Variants in CLEC2A observed in about 807,000 individuals in gnomAD.
CLEC2A encodes C-type lectin domain family 2 member A, also known as keratinocyte-associated C-type lectin.
A neutral mutation model predicts 18.6 loss-of-function variants in CLEC2A; 19 were observed. The ratio of observed to expected loss-of-function variants is 1.02; its 90% CI spans 0.71 to 1.50. The LOEUF (loss-of-function observed/expected upper bound fraction) is 1.50, where lower values mean the gene tolerates loss of function less well. Among genes scored for constraint, CLEC2A ranks in the 40% most tolerant of loss-of-function variants. The pLI is 0.00. For missense variants in CLEC2A, 190 were observed against 207.9 expected, an observed-to-expected ratio of 0.91 and a Z score of 0.53; for synonymous variants, 74 against 64.0, an observed-to-expected ratio of 1.16 and a Z score of -0.75.
At chr12:9,879,211 A>G in the CLEC2A span, among the ~76,000 whole-genome samples, 2 of 152,214 alleles carry the variant, frequency 1.3e-5, no homozygotes, top group African/African-American at 4.8e-5. Flanking sequence ...GAGCTGCTTG[A>G]TATGCTAAGG....
At chr12:9,898,380 C>T (rs1346750354), downstream of CLEC2A, among the ~76,000 whole-genome samples, 2 of 152,228 alleles carry the variant, frequency 1.3e-5, no homozygotes, top group African/African-American at 4.8e-5. Context: ...CCAGACCCCT[C>T]ATCCATTGCT....
chr12:9,917,691 C>T (rs2137039278), intron 3 of CLEC2A, among the ~76,000 whole-genome samples: 1 of 152,270 alleles, frequency 6.6e-6, no homozygotes, highest in East Asian at 1.9e-4. Context: ...ACACTGCTTT[C>T]CACAATGGTG....
At chr12:9,883,486 G>T in the CLEC2A span, among the ~76,000 whole-genome samples, 3 of 151,984 alleles carry the variant, frequency 2.0e-5, no homozygotes, top group East Asian at 5.8e-4. Context: ...ATTAATTTTT[G>T]GTCTATTGTT....
chr12:9,926,314 C>T lies in CLEC2A; in HGVS notation c.85G>A (p.Gly29Ser), dbSNP rs1311310617. ...ATAATACTCAGGAAGCACATAAGGC[C>T]AATCTTCCAGTTTTGTATCAACTTG... Reference protein sequence around the residue: ...VPKLIQNWKIGLMCFLSIIIT... With the variant: ...VPKLIQNWKISLMCFLSIIIT... The change falls in exon 2 of 5, where the codon GGC becomes AGC. Residue 29 changes from glycine (G) to serine (S), a missense_variant. Coordinates refer to ENST00000455827, the MANE Select transcript of CLEC2A (RefSeq NM_001130711.2). The T allele has an allele frequency of 1.3e-6, 2 of 1,549,694 alleles. No individual in the cohort carries two copies. Among genetic ancestry groups the T allele is most frequent in the South Asian group, 1.2e-5 (1 of 84,006 alleles).
chr12:9,916,501 T>C (rs1478469166), intron 4 of CLEC2A, among the ~76,000 whole-genome samples, 199 bp downstream of exon 4: 1 of 152,174 alleles, frequency 6.6e-6, no homozygotes, highest in East Asian at 1.9e-4. Flanking sequence ...CCATGTGTCA[T>C]TTAACAAGGT....
chr12:9,923,176 C>A (rs1863202559), intron 2 of CLEC2A, among the ~76,000 whole-genome samples: 1 of 152,134 alleles, frequency 6.6e-6, no homozygotes, highest in African/African-American at 2.4e-5. Context: ...ATTTTGCAAT[C>A]TATCCATTTG....
the CLEC2A span, chr12:9,893,178 C>G: frequency 1.3e-6 from 2 of 1,525,546 alleles, no homozygotes; most frequent in Non-Finnish European, 8.8e-7. Context: ...GGTGAGAAAT[C>G]AAAAACAGGA....
intron 3 of CLEC2A, among the ~76,000 whole-genome samples, chr12:9,921,137 T>C (rs1863165883): frequency 6.6e-6 from 1 of 152,192 alleles, no homozygotes; most frequent in Non-Finnish European, 1.5e-5. Context: ...ATATAACTCC[T>C]TCATGGGTGT....
chr12:9,925,439 T>A (rs1471374794), intron 2 of CLEC2A, among the ~76,000 whole-genome samples: 1 of 152,246 alleles, frequency 6.6e-6, no homozygotes. Flanking sequence ...AGGTGTTTGA[T>A]CCTAGGTCTG....
the CLEC2A span, among the ~76,000 whole-genome samples, chr12:9,885,837 A>G: frequency 6.6e-6 from 1 of 152,064 alleles, no homozygotes; most frequent in East Asian, 1.9e-4. Flanking sequence ...TTAACATTCA[A>G]TGTTAAACGA....
At chr12:9,903,485 T>C (rs1862864489) in intron 4 of CLEC2A, among the ~76,000 whole-genome samples, 1 of 152,246 alleles carries the variant, frequency 6.6e-6, no homozygotes, top group African/African-American at 2.4e-5. Context: ...TCTTAGCTAG[T>C]TCATTGGATA....
the CLEC2A span, among the ~76,000 whole-genome samples, chr12:9,886,813 T>C: frequency 7.0e-6 from 1 of 143,824 alleles, no homozygotes; most frequent in Non-Finnish European, 1.5e-5. Flanking sequence ...CAGTGAGATA[T>C]ATAGATAGAG....
the CLEC2A span, among the ~76,000 whole-genome samples, chr12:9,888,249 C>T: frequency 1.3e-5 from 2 of 151,730 alleles, no homozygotes; most frequent in African/African-American, 2.4e-5. Context: ...TCAGCACTTT[C>T]GGAAGCCGAG....
chr12:9,893,102 A>G, the CLEC2A span: 263 of 1,535,634 alleles, frequency 1.7e-4, 5 homozygotes, highest in South Asian at 2.9e-3. Context: ...AAACGTGGAA[A>G]GAGAGTCAAC....
downstream of CLEC2A, among the ~76,000 whole-genome samples, chr12:9,909,518 G>T (rs1391578610): frequency 2.0e-5 from 3 of 152,264 alleles, no homozygotes; most frequent in African/African-American, 7.2e-5. Flanking sequence ...TCTGCCACTC[G>T]ATGAGGGTCA....
chr12:9,927,096 A>T (rs760733849), intron 1 of CLEC2A, among the ~76,000 whole-genome samples: 7 of 152,036 alleles, frequency 4.6e-5, no homozygotes, highest in Non-Finnish European at 7.4e-5. Context: ...ATTTTGAGAA[A>T]TGTGCCTTTA....
At chr12:9,896,178 T>C (rs1417051209), downstream of CLEC2A, among the ~76,000 whole-genome samples, 1 of 152,178 alleles carries the variant, frequency 6.6e-6, no homozygotes, top group East Asian at 1.9e-4. Context: ...ATGTGCTATG[T>C]GGTAGATTGG....
chr12:9,915,533 A>C (rs1008480721), intron 4 of CLEC2A, among the ~76,000 whole-genome samples: 2 of 152,212 alleles, frequency 1.3e-5, no homozygotes, highest in African/African-American at 4.8e-5. Flanking sequence ...ATAAAAAAGA[A>C]TGAGTCCATG....
chr12:9,886,802 A>G, the CLEC2A span, among the ~76,000 whole-genome samples: 1 of 151,730 alleles, frequency 6.6e-6, no homozygotes, highest in African/African-American at 2.4e-5. Flanking sequence ...ACTCTCTAAA[A>G]CAGTGAGATA....
Sources: allele counts gnomAD v4.1 joint callset (sites outside exome capture counted in the v4.1 genomes callset), GRCh38; gene constraint gnomAD v4.1.1; transcripts MANE v1.5; gene names NCBI Gene and HGNC (gene_info 2026-07-23, HGNC 2026-07-21).